The following CNTNAP5 variants were observed in gnomAD, a reference collection of about 807,000 sequenced individuals.
CNTNAP5 encodes the protein contactin associated protein family member 5.
A neutral mutation model predicts 150.2 loss-of-function variants in CNTNAP5; 72 were observed. The observed-to-expected ratio is 0.48, with a 90% CI of 0.40 to 0.58. The LOEUF is 0.58. Ranked by LOEUF, CNTNAP5 falls within the 20% of genes least tolerant of loss-of-function variation. CNTNAP5 has a pLI of 0.00. For synonymous variants in CNTNAP5, 672 were observed against 619.8 expected (o/e 1.08, Z -1.25); for missense variants, 1,636 against 1,626.2 (o/e 1.01, Z -0.10).
chr2:124,776,006 A>G (rs1304448882), intron 17 of CNTNAP5, among the ~76,000 whole-genome samples: 1 of 152,074 alleles, frequency 6.6e-6, no homozygotes, highest in Non-Finnish European at 1.5e-5. Context: ...TGAGTGTACT[A>G]TTGTCTTTAT....
At chr2:124,493,841 G>A (rs1283418652) in intron 7 of CNTNAP5, among the ~76,000 whole-genome samples, 4 of 151,880 alleles carry the variant, frequency 2.6e-5, no homozygotes, top group Admixed American at 6.6e-5. Flanking sequence ...TCAGAGCTAA[G>A]AATATTTTTT....
At chr2:124,690,880 T>C (rs1447388920) in intron 13 of CNTNAP5, among the ~76,000 whole-genome samples, 1 of 152,118 alleles carries the variant, frequency 6.6e-6, no homozygotes, top group Non-Finnish European at 1.5e-5. Flanking sequence ...GTAAAATTTA[T>C]CATGTTGCTA....
chr2:124,889,063 T>C (rs1158965183), intron 21 of CNTNAP5, among the ~76,000 whole-genome samples: 1 of 150,600 alleles, frequency 6.6e-6, no homozygotes, highest in East Asian at 2.0e-4. Flanking sequence ...AGGATTCTTA[T>C]AGTTTGAGGT....
At chr2:124,818,277 G>T (rs1682410648) in intron 19 of CNTNAP5, among the ~76,000 whole-genome samples, 1 of 152,120 alleles carries the variant, frequency 6.6e-6, no homozygotes, top group Non-Finnish European at 1.5e-5. Context: ...GAAGTATTAG[G>T]TAACTGGCTC....
chr2:124,353,077 G>T (rs896655104), intron 3 of CNTNAP5, among the ~76,000 whole-genome samples: 11 of 152,082 alleles, frequency 7.2e-5, no homozygotes, highest in African/African-American at 2.4e-4. Context: ...GAGGTCTCCA[G>T]GGAAAGGAGA....
intron 3 of CNTNAP5, among the ~76,000 whole-genome samples, chr2:124,411,529 C>T (rs1465536677): frequency 6.8e-6 from 1 of 147,104 alleles, no homozygotes; most frequent in Non-Finnish European, 1.5e-5. Context: ...GCTTATCCAC[C>T]ATGATCAAGT....
At chr2:124,613,257 G>A (rs1215332281) in intron 12 of CNTNAP5, among the ~76,000 whole-genome samples, 1 of 152,194 alleles carries the variant, frequency 6.6e-6, no homozygotes, top group African/African-American at 2.4e-5. Flanking sequence ...GTGTGACACA[G>A]TGGTCCAGGG....
chr2:124,590,275 C>T (rs918657113), intron 11 of CNTNAP5, among the ~76,000 whole-genome samples: 1 of 152,176 alleles, frequency 6.6e-6, no homozygotes, highest in Non-Finnish European at 1.5e-5. Context: ...CACCTGCACT[C>T]TCCTATCTCC....
At chr2:124,641,332 C>T (rs1008017715) in intron 12 of CNTNAP5, among the ~76,000 whole-genome samples, 17 of 152,014 alleles carry the variant, frequency 1.1e-4, no homozygotes, top group African/African-American at 3.9e-4. Flanking sequence ...GGTGGCAGAG[C>T]TGGCATTGGA....
At chr2:124,052,670 CT>C (rs1469396595) in intron 1 of CNTNAP5, among the ~76,000 whole-genome samples, 2 of 152,188 alleles carry the variant, frequency 1.3e-5, no homozygotes, top group Non-Finnish European at 2.9e-5. Flanking sequence ...CATCTTCCCC[CT>C]GAGTTCAGAA....
intron 3 of CNTNAP5, among the ~76,000 whole-genome samples, chr2:124,350,787 A>G (rs7582767): frequency 0.3 from 45,869 of 151,960 alleles, 6,988 homozygotes; most frequent in Middle Eastern, 0.37. Context: ...AAATTCTTGG[A>G]CCCAGAATGT....
intron 19 of CNTNAP5, among the ~76,000 whole-genome samples, chr2:124,814,124 T>C (rs370582783): frequency 6.6e-6 from 1 of 152,024 alleles, no homozygotes; most frequent in Non-Finnish European, 1.5e-5. Flanking sequence ...TTTTTTTTTA[T>C]GATTCTTACA....
intron 3 of CNTNAP5, among the ~76,000 whole-genome samples, chr2:124,380,462 T>C (rs1411188235): frequency 6.6e-6 from 1 of 152,168 alleles, no homozygotes; most frequent in Non-Finnish European, 1.5e-5. Context: ...AGATAATTGC[T>C]GTAATTCTCT....
intron 19 of CNTNAP5, among the ~76,000 whole-genome samples, chr2:124,844,111 C>T (rs1682998945): frequency 6.6e-6 from 1 of 151,854 alleles, no homozygotes; most frequent in Admixed American, 6.6e-5. Context: ...GAGTTTTTTT[C>T]AATGTTATCT....
chr2:124,125,898 G>A (rs2104721975), intron 1 of CNTNAP5, among the ~76,000 whole-genome samples: 1 of 152,144 alleles, frequency 6.6e-6, no homozygotes, highest in African/African-American at 2.4e-5. Flanking sequence ...AGAATCTCTG[G>A]GACACATTTA....
rs1281161084 is a variant in CNTNAP5 at position 124,705,030 on chromosome 2, T to C, written c.2078-42199T>C. 5.6e-5 allele frequency among the ~76,000 whole-genome samples: 6 copies of C among 107,230 alleles called. No individual in the cohort carries two copies. The East Asian group carries it at 2.0e-3, about 36-fold the overall frequency. The allele number at this position is 107,230 out of a possible 152,430, so 70.3% of individuals were successfully genotyped here. On this transcript the variant is annotated intron_variant, in intron 13 of 23. Transcript: ENST00000682447. ...CTCCCTCAGTGTCTCCTATTTTTGCTTTTTTTCTTAGTACTTTCCACTTAA... is the reference window on the plus strand; with the variant it reads ...CTCCCTCAGTGTCTCCTATTTTTGCCTTTTTTCTTAGTACTTTCCACTTAA...
intron 14 of CNTNAP5, among the ~76,000 whole-genome samples, chr2:124,749,739 TTC>T (rs766199986): frequency 3.0e-4 from 46 of 152,180 alleles, no homozygotes; most frequent in Non-Finnish European, 5.6e-4. Context: ...CTTAGCTGCC[TTC>T]TTGATCTTTG....
intron 3 of CNTNAP5, among the ~76,000 whole-genome samples, chr2:124,257,914 C>T (rs1190685614): frequency 1.3e-5 from 2 of 152,116 alleles, no homozygotes; most frequent in African/African-American, 4.8e-5. Flanking sequence ...AGTGATAAAA[C>T]CGAAATGTTC....
intron 12 of CNTNAP5, among the ~76,000 whole-genome samples, chr2:124,643,140 G>T (rs188956038): frequency 6.6e-6 from 1 of 152,176 alleles, no homozygotes; most frequent in Non-Finnish European, 1.5e-5. Context: ...TTAGTGAAGT[G>T]GCCCTATTTC....
Sources: gnomAD v4.1 joint callset for allele counts (sites outside exome capture counted in the v4.1 genomes callset) on GRCh38, gnomAD v4.1.1 for gene constraint, MANE v1.5 for transcripts, NCBI Gene and HGNC (gene_info 2026-07-23, HGNC 2026-07-21) for gene names.